The following NBPF10 variants were observed in gnomAD, a reference collection of about 807,000 sequenced individuals.
NBPF10 encodes the protein NBPF family member NBPF10.
A neutral mutation model predicts 77.9 loss-of-function variants in NBPF10; 63 were observed. The observed-to-expected ratio is 0.81, with a 90% CI of 0.66 to 1.00. The LOEUF (loss-of-function observed/expected upper bound fraction) is 1.00. NBPF10 is among the 50% of genes least tolerant of loss of function. NBPF10 has a pLI of 0.00. For synonymous variants in NBPF10, 146 were observed against 264.5 expected (o/e 0.55, Z 4.35); for missense variants, 522 against 679.8 (o/e 0.77, Z 2.58).
chr1:146,069,606 G>C lies in NBPF10; in HGVS notation c.10747C>G (p.Pro3583Ala), dbSNP rs782730095. ...AATACATAAAAGGCACTTCTGTAGGGCTGGCATGAGTCACACAGTTCAAGA... is the reference window on the plus strand; with the variant it reads ...AATACATAAAAGGCACTTCTGTAGGCCTGGCATGAGTCACACAGTTCAAGA... Residue 3583 changes from proline (P) to alanine (A), a missense_variant, in exon 86 of 90, where the codon CCC (proline) becomes GCC (alanine). Physicochemically the swap from Pro to Ala is conservative, Grantham distance 27. Coordinates refer to ENST00000583866, the Ensembl canonical transcript of NBPF10. The C allele has an allele frequency of 9.6e-6, 15 of 1,560,004 alleles. No homozygotes were observed. The African/African-American group carries it at 2.1e-4, about 22-fold the overall frequency.
intron 14 of NBPF10, among the ~76,000 whole-genome samples, chr1:146,125,955 G>T (rs1448553801): frequency 2.0e-5 from 3 of 151,630 alleles, no homozygotes; most frequent in South Asian, 4.2e-4. Flanking sequence ...GACAAAATCA[G>T]AGTTGTGTGA....
chr1:146,067,275 C>A (rs782494127), exon 89 of NBPF10: 3 of 553,196 alleles, frequency 5.4e-6, no homozygotes, highest in South Asian at 1.8e-5. Context: ...TCCCCTTCCC[C>A]TTCTTTTCAA....
chr1:146,126,017 A>G (rs1553789764), intron 14 of NBPF10, among the ~76,000 whole-genome samples: 3 of 151,778 alleles, frequency 2.0e-5, no homozygotes, highest in Admixed American at 1.3e-4. Context: ...TTATGGTGCC[A>G]CAGGCATGGC....
intron 4 of NBPF10, 42 bp downstream of exon 4, chr1:146,140,442 T>A (rs1553796942): frequency 1.6e-6 from 1 of 635,600 alleles, no homozygotes; most frequent in African/African-American, 1.8e-5. Flanking sequence ...GACATTTTCA[T>A]ACGTTACCAC....
At chr1:146,127,125 G>A (rs781858133) in intron 12 of NBPF10, 46 bp from the exon 13 acceptor site, 5 of 476,050 alleles carry the variant, frequency 1.1e-5, no homozygotes, top group Non-Finnish European at 1.8e-5. Context: ...GTTCTTCCTT[G>A]CACACAGAAA....
intron 88 of NBPF10, 121 bp downstream of exon 88, chr1:146,067,882 C>T (rs1300169671): frequency 1.4e-6 from 1 of 698,192 alleles, no homozygotes; most frequent in African/African-American, 1.8e-5. Flanking sequence ...CTATATGCGC[C>T]CATAGGTCCT....
At chr1:146,067,901 C>A in intron 88 of NBPF10, 102 bp downstream of exon 88, 2 of 703,148 alleles carry the variant, frequency 2.8e-6, no homozygotes, top group Non-Finnish European at 2.6e-6. Context: ...CTGCCTGCGG[C>A]AATGACGTCT....
rs139094502 is a variant in NBPF10, at chr1:146,067,549, C to T, written c.11036-261G>A. 1.9e-4 allele frequency among the ~76,000 whole-genome samples: 28 copies of T among 149,832 alleles called. No homozygotes were observed. The East Asian group carries it at 2.4e-3, about 13-fold the overall frequency. ...TGTCCCAAGTTTGTGCAAACAGTTACGCCATATTTTTCCAATCAACGTAAA... is the reference window on the plus strand; with the variant it reads ...TGTCCCAAGTTTGTGCAAACAGTTATGCCATATTTTTCCAATCAACGTAAA... On this transcript the variant is annotated intron_variant, in intron 88 of 89. Transcript: ENST00000583866.
At chr1:146,139,267 T>C (rs1278497644) in intron 5 of NBPF10, among the ~76,000 whole-genome samples, 3 of 97,604 alleles carry the variant, frequency 3.1e-5, no homozygotes, top group Admixed American at 1.8e-4. Flanking sequence ...GCCCAGCTAT[T>C]TTTTTTTTTT....
exon 86 of NBPF10, chr1:146,069,655 T>G: frequency 6.8e-7 from 1 of 1,477,914 alleles, no homozygotes; most frequent in South Asian, 1.1e-5. Context: ...TTGAATAACA[T>G]CTATCCAGTG....
chr1:146,126,992 A>T (rs1553790396), intron 13 of NBPF10, 36 bp downstream of exon 13: 1 of 508,374 alleles, frequency 2.0e-6, no homozygotes, highest in East Asian at 2.9e-5. Flanking sequence ...CCAGGTGTCA[A>T]CATCAAATTA....
chr1:146,141,700 G>C (rs782252276), exon 3 of NBPF10: 2 of 1,262,568 alleles, frequency 1.6e-6, no homozygotes, highest in African/African-American at 2.8e-5. Flanking sequence ...GGCTCATCCG[G>C]AGTGAGGAGG....
chr1:146,139,245 G>T (rs6682858), intron 5 of NBPF10, among the ~76,000 whole-genome samples: 2 of 148,390 alleles, frequency 1.3e-5, no homozygotes, highest in African/African-American at 2.4e-5. Context: ...GACTACAGGC[G>T]CCCACCACCA....
chr1:146,136,472 A>G lies in NBPF10; in HGVS notation c.989-17T>C, dbSNP rs1553795004. ...CTTCATATTCTGAGAAAAGACAGAC[A>G]CACCTGCCTCAGTGGAAGGCTGGAC... On this transcript the variant is annotated splice_polypyrimidine_tract_variant and intron_variant, in intron 6 of 89. Coordinates refer to ENST00000583866, the Ensembl canonical transcript of NBPF10. The G allele has an allele frequency of 1.2e-6, 2 of 1,611,906 alleles. No individual in the cohort carries two copies. The highest frequency in any genetic ancestry group is 1.7e-6 in the Non-Finnish European group (2 of 1,179,758).
chr1:146,067,930 A>G (rs2102043945), intron 88 of NBPF10, 73 bp downstream of exon 88: 1 of 687,660 alleles, frequency 1.5e-6, no homozygotes, highest in Non-Finnish European at 2.6e-6. Context: ...AGCAAGGGCC[A>G]CTTGGAATAG....
chr1:146,066,775 G>C (rs1296359905), intron 89 of NBPF10, among the ~76,000 whole-genome samples: 1 of 151,972 alleles, frequency 6.6e-6, no homozygotes, highest in Admixed American at 6.6e-5. Context: ...GAGAGACAGA[G>C]ACAGAGACAG....
At chr1:146,121,872 GAC>G (rs1238102272) in intron 19 of NBPF10, among the ~76,000 whole-genome samples, 31 of 142,496 alleles carry the variant, frequency 2.2e-4, no homozygotes, top group African/African-American at 6.5e-4. Flanking sequence ...GAGAGAGAGA[GAC>G]AGAGACAGAG....
chr1:146,067,778 C>T (rs868943490), intron 88 of NBPF10, among the ~76,000 whole-genome samples: 6 of 151,474 alleles, frequency 4.0e-5, no homozygotes, highest in East Asian at 2.0e-4. Flanking sequence ...AGGATCAGGG[C>T]GCCACAGGTA....
At chr1:146,067,548 A>G (rs1416769694) in intron 88 of NBPF10, among the ~76,000 whole-genome samples, 1 of 149,902 alleles carries the variant, frequency 6.7e-6, no homozygotes, top group East Asian at 2.0e-4. Flanking sequence ...GCAAACAGTT[A>G]CGCCATATTT....
Sources: allele counts gnomAD v4.1 joint callset (sites outside exome capture counted in the v4.1 genomes callset), GRCh38; gene constraint gnomAD v4.1.1; transcripts MANE v1.5; gene names NCBI Gene and HGNC (gene_info 2026-07-23, HGNC 2026-07-21).